The following ECT2 variants were observed in gnomAD, a reference collection of about 807,000 sequenced individuals.
The protein encoded by ECT2 is epithelial cell transforming 2.
In ECT2, 61 loss-of-function variants were observed where a neutral mutation model predicts 116.9. The ratio of observed to expected loss-of-function variants is 0.52; its 90% CI spans 0.42 to 0.65. The LOEUF is 0.65. Ranked by LOEUF, ECT2 falls within the 30% of genes least tolerant of loss-of-function variation. The pLI, the probability that ECT2 is intolerant of heterozygous loss-of-function variation, is 0.00. For synonymous variants in ECT2, 358 were observed against 346.4 expected (o/e 1.03, Z -0.37); for missense variants, 937 against 1,078.7 (o/e 0.87, Z 1.84).
chr3:172,802,091 G>C (rs1412426931), intron 18 of ECT2, among the ~76,000 whole-genome samples: 1 of 147,640 alleles, frequency 6.8e-6, no homozygotes, highest in Non-Finnish European at 1.5e-5. Context: ...GGAGTCTATG[G>C]ATGTTTTGTT....
At chr3:172,827,816 A>G in the ECT2 span, among the ~76,000 whole-genome samples, 1 of 152,220 alleles carries the variant, frequency 6.6e-6, no homozygotes, top group Non-Finnish European at 1.5e-5. Context: ...GAAAGAGGCC[A>G]TTTTGGGATT....
chr3:172,807,838 C>A lies in ECT2; in HGVS notation c.2314C>A (p.Gln772Lys), dbSNP rs1728061479. The change falls in exon 22 of 25, where the codon CAG (glutamine) becomes AAG (lysine). Residue 772 changes from glutamine to lysine, a missense_variant. Transcript: ENST00000392692. ...GCAGGCAAATGTGCTACTCAGTTTC[C>A]AGATGACATCAGATGAACTTCCAAA... ...TEQANVLLSF[Q>K]MTSDELPKEN... The A allele has an allele frequency of 3.1e-6, 5 of 1,613,926 alleles. No individual in the cohort carries two copies. In the South Asian group the frequency reaches 5.5e-5, roughly 18 times the overall value.
chr3:172,780,523 G>C (rs535692389), intron 14 of ECT2, among the ~76,000 whole-genome samples: 2 of 152,106 alleles, frequency 1.3e-5, no homozygotes, highest in East Asian at 3.9e-4. Flanking sequence ...AAAATGCCAG[G>C]GTTTTCCCAT....
the ECT2 span, among the ~76,000 whole-genome samples, chr3:172,827,428 C>G: frequency 9.8e-4 from 150 of 152,290 alleles, no homozygotes; most frequent in African/African-American, 3.5e-3. Flanking sequence ...TATATATACA[C>G]AATGGAGTAC....
intron 17 of ECT2, among the ~76,000 whole-genome samples, chr3:172,785,790 C>G (rs1723503254): frequency 6.6e-6 from 1 of 152,154 alleles, no homozygotes; most frequent in African/African-American, 2.4e-5. Flanking sequence ...TAAAACTGTT[C>G]TGTTTTGCAA....
At chr3:172,806,393 T>C (rs1248998483) in intron 21 of ECT2, among the ~76,000 whole-genome samples, 1 of 152,132 alleles carries the variant, frequency 6.6e-6, no homozygotes, top group East Asian at 1.9e-4. Context: ...TAAACTTTGG[T>C]AGTGTTACAG....
At chr3:172,759,785 C>A (rs986466995) in intron 6 of ECT2, among the ~76,000 whole-genome samples, 14 of 152,074 alleles carry the variant, frequency 9.2e-5, no homozygotes, top group African/African-American at 3.4e-4. Flanking sequence ...GTTGTTGGAA[C>A]TGATGGGTAT....
chr3:172,817,316 A>G (rs1226379516), intron 24 of ECT2, among the ~76,000 whole-genome samples: 2 of 152,164 alleles, frequency 1.3e-5, no homozygotes, highest in African/African-American at 4.8e-5. Flanking sequence ...AAGGCAACTG[A>G]GAAAACCCTA....
intron 21 of ECT2, 31 bp from the exon 22 acceptor site, chr3:172,807,739 C>A: frequency 6.3e-7 from 1 of 1,588,940 alleles, no homozygotes; most frequent in South Asian, 1.2e-5. Context: ...AGGAGTGACA[C>A]TTAATGTTTA....
chr3:172,798,722 TATTTGATTCCTCCACA>T (rs1726188550), intron 18 of ECT2, among the ~76,000 whole-genome samples: 1 of 152,214 alleles, frequency 6.6e-6, no homozygotes, highest in Admixed American at 6.5e-5. Flanking sequence ...TTATTTTTTC[TATTTGATTCCTCCACA>T]ATTTGAAAAC....
intron 2 of ECT2, among the ~76,000 whole-genome samples, chr3:172,754,907 C>T (rs988611866): frequency 1.3e-5 from 2 of 151,908 alleles, no homozygotes; most frequent in Non-Finnish European, 2.9e-5. Context: ...TATGTGAGGG[C>T]GGTCTAGCTA....
chr3:172,812,405 T>A lies in ECT2; in HGVS notation c.2401-3199T>A, dbSNP rs900792823. Among the ~76,000 whole-genome samples, 6 of 152,342 alleles carry A rather than the reference T, an allele frequency of 3.9e-5. No individual in the cohort carries two copies. The South Asian group carries it at 1.2e-3, about 32-fold the overall frequency. ...TAAATAGGTGACTCTTTGGTATATG[T>A]GTGTTATTTTGTAATCAGTCACAGT... On this transcript the variant is annotated intron_variant, in intron 22 of 24. Transcript: ENST00000392692.
chr3:172,789,901 A>AATTGAAAT (rs1285689088), intron 18 of ECT2, among the ~76,000 whole-genome samples: 1 of 152,202 alleles, frequency 6.6e-6, no homozygotes, highest in Non-Finnish European at 1.5e-5. Context: ...TTCCTTCTGC[A>AATTGAAAT]ATTGAAATCT....
chr3:172,771,489 C>G (rs954042139), intron 13 of ECT2: 1 of 152,110 alleles, frequency 6.6e-6, no homozygotes, highest in East Asian at 1.9e-4. Context: ...GTAAACAATA[C>G]AAGTGATCAT....
At chr3:172,776,877 T>G (rs1721839106) in intron 14 of ECT2, among the ~76,000 whole-genome samples, 1 of 151,798 alleles carries the variant, frequency 6.6e-6, no homozygotes, top group South Asian at 2.1e-4. Context: ...GGGTTTGTTT[T>G]TTTTTTTTTC....
At chr3:172,813,796 T>G (rs1359660408) in intron 22 of ECT2, among the ~76,000 whole-genome samples, 1 of 152,028 alleles carries the variant, frequency 6.6e-6, no homozygotes, top group Admixed American at 6.6e-5. Context: ...TGTGGTATAA[T>G]CAGAGATTTG....
rs529259396 is a variant in ECT2 at position 172,752,806 on chromosome 3, T to C, written c.-22-1703T>C. On this transcript the variant is annotated intron_variant, in intron 1 of 24. Transcript: ENST00000392692. ...TAACTAGATTTGAGTTGTAGTACTA[T>C]GTGTGTTCCACCAATGTGGAAACTG... 5.9e-5 allele frequency among the ~76,000 whole-genome samples: 9 copies of C among 152,344 alleles called. No homozygotes were observed. In the South Asian group the frequency reaches 1.7e-3, roughly 28 times the overall value.
chr3:172,761,522 T>A, intron 7 of ECT2, 88 bp from the exon 8 acceptor site: 1 of 858,416 alleles, frequency 1.2e-6, no homozygotes, highest in Non-Finnish European at 1.9e-6. Flanking sequence ...GATCTAAAAC[T>A]GCAAAAAATT....
At chr3:172,803,179 A>G (rs1305759671) in intron 20 of ECT2, among the ~76,000 whole-genome samples, 199 bp downstream of exon 20, 1 of 152,206 alleles carries the variant, frequency 6.6e-6, no homozygotes, top group Non-Finnish European at 1.5e-5. Context: ...TAAGAAGTGT[A>G]AGTTTTCATG....
Sources: gnomAD v4.1 joint callset for allele counts (sites outside exome capture counted in the v4.1 genomes callset) on GRCh38, gnomAD v4.1.1 for gene constraint, MANE v1.5 for transcripts, NCBI Gene and HGNC (gene_info 2026-07-23, HGNC 2026-07-21) for gene names.